PDCD7: variants seen among roughly 807,000 people sequenced by gnomAD.
PDCD7 encodes programmed cell death 7, also known as programmed cell death protein 7.
In PDCD7, 40 loss-of-function variants were observed where a neutral mutation model predicts 42.1. That is an observed-to-expected ratio of 0.95 (90% CI 0.74 to 1.24). The LOEUF (loss-of-function observed/expected upper bound fraction) is 1.24, where lower values mean the gene tolerates loss of function less well. Among genes scored for constraint, PDCD7 ranks in the 50% most tolerant of loss-of-function variants. The pLI, the probability that PDCD7 is intolerant of heterozygous loss-of-function variation, is 0.00. For synonymous variants in PDCD7, 299 were observed against 303.3 expected (o/e 0.99, Z 0.15); for missense variants, 644 against 662.8 (o/e 0.97, Z 0.31).
At chr15:65,126,936 G>A (rs1191687662) in intron 2 of PDCD7, among the ~76,000 whole-genome samples, 7 of 151,648 alleles carry the variant, frequency 4.6e-5, no homozygotes, top group Non-Finnish European at 1.0e-4. Flanking sequence ...TCAATTCTTT[G>A]ACTTGAGAAT....
intron 1 of PDCD7, among the ~76,000 whole-genome samples, chr15:65,129,976 T>C (rs1188209664): frequency 7.6e-6 from 1 of 132,240 alleles, no homozygotes; most frequent in African/African-American, 2.9e-5. Flanking sequence ...CAGGCTGGAG[T>C]GTAGTGGTGT....
chr15:65,119,372 TG>T lies in PDCD7; in HGVS notation c.1334+3del. On this transcript the variant is annotated splice_donor_region_variant and intron_variant, in intron 4 of 4. Coordinates refer to ENST00000204549, the MANE Select transcript of PDCD7 (RefSeq NM_005707.2). Reference sequence around the variant, plus strand: ...AGACAACATGGAGAGCCAGCCCCTCTGACCTGATCTGGATGAGCGCTGGCAG... The same window carrying T: ...AGACAACATGGAGAGCCAGCCCCTCTACCTGATCTGGATGAGCGCTGGCAG... 1 of 1,609,874 alleles carries T rather than the reference TG, an allele frequency of 6.2e-7. No individual in the cohort carries two copies. The highest frequency in any genetic ancestry group is 8.5e-7 in the Non-Finnish European group (1 of 1,176,322).
chr15:65,126,194 G>A (rs1288035421), intron 2 of PDCD7, among the ~76,000 whole-genome samples: 1 of 152,156 alleles, frequency 6.6e-6, no homozygotes, highest in African/African-American at 2.4e-5. Context: ...GAAGCAGGGA[G>A]TCTATCTTTT....
At chr15:65,120,146 T>TTTTTTTA (rs932565377) in intron 2 of PDCD7, among the ~76,000 whole-genome samples, 192 bp from the exon 3 acceptor site, 1 of 151,702 alleles carries the variant, frequency 6.6e-6, no homozygotes, top group Non-Finnish European at 1.5e-5. Context: ...ATGCCTGGCT[T>TTTTTTTA]TTTTTTATTT....
At chr15:65,119,975 G>A (rs1390672109) in intron 2 of PDCD7, 21 bp from the exon 3 acceptor site, 1 of 1,586,070 alleles carries the variant, frequency 6.3e-7, no homozygotes, top group Admixed American at 1.9e-5. Flanking sequence ...AGGACAAAAT[G>A]GCATTTTATT....
At chr15:65,131,900 C>A (rs2140587636) in intron 1 of PDCD7, among the ~76,000 whole-genome samples, 1 of 152,098 alleles carries the variant, frequency 6.6e-6, no homozygotes, top group South Asian at 2.1e-4. Flanking sequence ...CGTTGTGTGA[C>A]TGTTGGCAAG....
intron 1 of PDCD7, among the ~76,000 whole-genome samples, chr15:65,130,563 G>A (rs574575187): frequency 1.1e-3 from 166 of 152,282 alleles, no homozygotes; most frequent in African/African-American, 3.7e-3. Context: ...TGTCAAATAA[G>A]TGCCTGTAAT....
In PDCD7 at chr15:65,132,915, C is replaced by T. The variant is rs1228986359; in HGVS notation, c.867G>A (p.Lys289=). Residue 289 remains lysine, a synonymous_variant, in exon 1 of 5, where the codon AAG becomes AAA. Coordinates refer to ENST00000204549, the MANE Select transcript of PDCD7 (RefSeq NM_005707.2). The stretch of plus-strand genomic sequence containing the variant: ...CATGAGCGGCCGCTGCTCTCACCCG[C>T]TTCTTCTCCTCCACCTCCTGCACAC... ...VKCVQEVEEK[K]REQELKAAAD... is the part of the protein sequence containing the mutation. 37 of 1,603,492 alleles carry T rather than the reference C, an allele frequency of 2.3e-5. No homozygotes were observed. Among genetic ancestry groups the T allele is most frequent in the Non-Finnish European group, 2.4e-5 (28 of 1,179,706 alleles).
In PDCD7 at chr15:65,129,174, G is replaced by A. The variant is rs751352631; in HGVS notation, c.871-4C>T. The A allele has an allele frequency of 2.5e-6, 4 of 1,613,512 alleles. No individual in the cohort carries two copies. The highest frequency in any genetic ancestry group is 3.4e-6 in the Non-Finnish European group (4 of 1,179,848). ...CGGCTGCTTTGAGTTCCTGCTCCTG[G>A]AAGAGAAACAAAGCCCATGAGACCT... On this transcript the variant is annotated splice_region_variant and splice_polypyrimidine_tract_variant and intron_variant, in intron 1 of 4. Transcript: ENST00000204549.
intron 2 of PDCD7, 32 bp from the exon 3 acceptor site, chr15:65,119,986 TA>T (rs750252838): frequency 1.1e-5 from 18 of 1,584,052 alleles, no homozygotes; most frequent in South Asian, 1.1e-4. Context: ...GCATTTTATT[TA>T]TTTTTTTTTT....
chr15:65,122,672 T>C (rs1301741609), intron 2 of PDCD7, among the ~76,000 whole-genome samples: 1 of 152,172 alleles, frequency 6.6e-6, no homozygotes, highest in Non-Finnish European at 1.5e-5. Flanking sequence ...ACAATGAATA[T>C]TCTTGGGCAT....
Position 65,128,910 on chromosome 15 carries a change from T to C in PDCD7, c.1009+122A>G, listed in dbSNP as rs2087517123. The C allele has an allele frequency of 5.1e-6, 6 of 1,177,534 alleles. No homozygotes were observed. In the South Asian group the frequency reaches 5.8e-5, roughly 11 times the overall value. The allele number at this position is 1,177,534 out of a possible 1,614,324, so 72.9% of individuals were successfully genotyped here. A position where few individuals can be genotyped will look rare whatever the true frequency, so the allele number is the denominator to read the frequency against. ...CTGACCTACTTGCTGACAAGCCCAG[T>C]TACCCGACAAGGTGAAAATCATGAA... On this transcript the variant is annotated intron_variant, in intron 2 of 4. Transcript: ENST00000204549.
intron 1 of PDCD7, among the ~76,000 whole-genome samples, chr15:65,130,287 G>A (rs191997373): frequency 3.1e-4 from 47 of 149,566 alleles, no homozygotes; most frequent in African/African-American, 1.1e-3. Context: ...CTCCCAATTA[G>A]CTGGGTTTAC....
chr15:65,119,674 A>G, intron 3 of PDCD7, 44 bp downstream of exon 3: 1 of 1,569,896 alleles, frequency 6.4e-7, no homozygotes, highest in Non-Finnish European at 8.6e-7. Flanking sequence ...GAAGAGCGTC[A>G]ATCTAGTATT....
chr15:65,121,322 G>T (rs918867055), intron 2 of PDCD7, among the ~76,000 whole-genome samples: 1 of 151,982 alleles, frequency 6.6e-6, no homozygotes, highest in African/African-American at 2.4e-5. Context: ...CAAAGTGCTG[G>T]GATTACAGGC....
chr15:65,127,393 C>T (rs1458253028), intron 2 of PDCD7, among the ~76,000 whole-genome samples: 1 of 148,692 alleles, frequency 6.7e-6, no homozygotes, highest in Non-Finnish European at 1.5e-5. Context: ...GGAAGCGGAG[C>T]TTGCAGTGAG....
rs1330351635 is a variant in PDCD7, at chr15:65,117,699, A to G, written c.*1018T>C. 6.6e-6 allele frequency: 1 copy of G among 152,020 alleles called. No homozygotes were observed. The highest frequency in any genetic ancestry group is 2.4e-5 in the African/African-American group (1 of 41,356). The allele number at this position is 152,020 out of a possible 1,614,324, so 9.4% of individuals were successfully genotyped here. A position where few individuals can be genotyped will look rare whatever the true frequency, so the allele number is the denominator to read the frequency against. ...GGTGTGCACCACCTACGCCCAGCTA[A>G]TATTTTTTTGTATTTTTAGTAGAGA... is the stretch of plus-strand genomic sequence containing the variant. On this transcript the variant is annotated 3_prime_UTR_variant, in exon 5 of 5. Transcript: ENST00000204549.
At position 65,119,264 on chromosome 15, in the gene PDCD7, T is replaced by G. The variant is rs1180897750; in HGVS notation, c.1334+112A>C. ...AAACCCATAGTTTTTTTTAAGTTCC[T>G]TATGGAACTTAAAAAAAAAAAGACA... is the stretch of plus-strand genomic sequence containing the variant. On this transcript the variant is annotated intron_variant, in intron 4 of 4. Coordinates refer to ENST00000204549, the MANE Select transcript of PDCD7 (RefSeq NM_005707.2). 1.7e-5 allele frequency: 11 copies of G among 665,624 alleles called. No homozygotes were observed. The African/African-American group carries it at 1.8e-4, about 11-fold the overall frequency. 41.2% of individuals were successfully genotyped at this position (665,624 alleles called of 1,614,324 possible).
At chr15:65,124,731 C>T (rs566385284) in intron 2 of PDCD7, among the ~76,000 whole-genome samples, 1 of 152,288 alleles carries the variant, frequency 6.6e-6, no homozygotes, top group African/African-American at 2.4e-5. Flanking sequence ...TCCCCAGAGA[C>T]CCATTTGGCA....
Sources: allele counts gnomAD v4.1 joint callset (sites outside exome capture counted in the v4.1 genomes callset), GRCh38; gene constraint gnomAD v4.1.1; transcripts MANE v1.5; gene names NCBI Gene and HGNC (gene_info 2026-07-23, HGNC 2026-07-21).